The following RAF1 variants were observed in gnomAD, a reference collection of about 807,000 sequenced individuals.
The protein encoded by RAF1 is Raf-1 proto-oncogene, serine/threonine kinase, also known as RAF proto-oncogene serine/threonine-protein kinase.
A neutral mutation model predicts 81.1 loss-of-function variants in RAF1; 27 were observed. The ratio of observed to expected loss-of-function variants is 0.33; its 90% CI spans 0.25 to 0.46. The LOEUF (loss-of-function observed/expected upper bound fraction) is 0.46, where lower values mean the gene tolerates loss of function less well. RAF1 is among the 20% of genes least tolerant of loss of function. The pLI, the probability that RAF1 is intolerant of heterozygous loss-of-function variation, is 1.00. For synonymous variants in RAF1, 298 were observed against 294.0 expected (o/e 1.01, Z -0.14); for missense variants, 598 against 826.0 (o/e 0.72, Z 3.38).
chr3:12,663,691 C>G (rs1052973179), intron 1 of RAF1, 122 bp downstream of exon 1: 19 of 389,258 alleles, frequency 4.9e-5, no homozygotes, highest in Non-Finnish European at 8.2e-5. Context: ...GGCCCAAGCC[C>G]TCTGCCCGGC....
intron 1 of RAF1, among the ~76,000 whole-genome samples, chr3:12,642,294 C>CAAA (rs112792127): frequency 7.4e-6 from 1 of 135,716 alleles, no homozygotes; most frequent in African/African-American, 2.6e-5. Context: ...ACTAAAAATA[C>CAAA]AAAAAAAAAA....
chr3:12,595,941 T>C (rs1374198429), intron 11 of RAF1, among the ~76,000 whole-genome samples: 1 of 151,552 alleles, frequency 6.6e-6, no homozygotes, highest in Non-Finnish European at 1.5e-5. Flanking sequence ...AGTGGTGTTA[T>C]CACGGCTCAC....
rs1412475548 is a variant in RAF1 at position 12,663,891 on chromosome 3, G to T, written c.-105C>A. 2.5e-6 allele frequency: 1 copy of T among 398,040 alleles called. No individual in the cohort carries two copies. Among genetic ancestry groups the T allele is most frequent in the South Asian group, 1.3e-4 (1 of 7,864 alleles). The allele number at this position is 398,040 out of a possible 1,614,324, so 24.7% of individuals were successfully genotyped here. Reference sequence around the variant, plus strand: ...CGCTCCTCCTCCCCGCGGCGGGTGAGGGAGCGGGAGGCGGTCACATTCGGC... The same window carrying T: ...CGCTCCTCCTCCCCGCGGCGGGTGATGGAGCGGGAGGCGGTCACATTCGGC... On this transcript the variant is annotated 5_prime_UTR_variant, in exon 1 of 18. Transcript: ENST00000442415.
At chr3:12,642,852 A>C (rs1669481978) in intron 1 of RAF1, among the ~76,000 whole-genome samples, 1 of 151,384 alleles carries the variant, frequency 6.6e-6, no homozygotes, top group Non-Finnish European at 1.5e-5. Context: ...ACGTCACTGT[A>C]CTCCAGCCTG....
intron 1 of RAF1, among the ~76,000 whole-genome samples, chr3:12,622,422 T>C (rs1176651629): frequency 1.3e-5 from 2 of 152,200 alleles, no homozygotes; most frequent in Non-Finnish European, 1.5e-5. Flanking sequence ...AGGCCTTCTT[T>C]CGTAACATGC....
At chr3:12,621,151 C>T (rs945369048) in intron 1 of RAF1, among the ~76,000 whole-genome samples, 1 of 152,140 alleles carries the variant, frequency 6.6e-6, no homozygotes, top group Non-Finnish European at 1.5e-5. Flanking sequence ...TCATTATCCA[C>T]CTTAATACTT....
chr3:12,640,941 T>C (rs920006479), intron 1 of RAF1, among the ~76,000 whole-genome samples: 1 of 152,068 alleles, frequency 6.6e-6, no homozygotes, highest in Non-Finnish European at 1.5e-5. Flanking sequence ...CTATTCACAA[T>C]AGCAAAGACC....
intron 1 of RAF1, among the ~76,000 whole-genome samples, chr3:12,628,788 G>A (rs896392122): frequency 2.7e-5 from 4 of 146,520 alleles, no homozygotes; most frequent in South Asian, 2.2e-4. Context: ...GTCTCACTCT[G>A]TTGGCCAGGC....
chr3:12,634,165 T>G (rs1163945007), intron 1 of RAF1, among the ~76,000 whole-genome samples: 3 of 151,502 alleles, frequency 2.0e-5, no homozygotes, highest in African/African-American at 7.3e-5. Context: ...TTTTTTTTTT[T>G]TGAGATGAGT....
Position 12,607,678 on chromosome 3 carries a change from C to T in RAF1, c.581+1088G>A, listed in dbSNP as rs550665324. The stretch of plus-strand genomic sequence containing the variant: ...AATAATAATAAAAAAAAAGGCTGGG[C>T]GTGGTGGCTCATGCCTGTAATCCCA... On this transcript the variant is annotated intron_variant, in intron 5 of 17. Transcript: ENST00000442415. Among the ~76,000 whole-genome samples, 241 of 151,606 alleles carry T rather than the reference C, an allele frequency of 1.6e-3. 2 individuals are homozygous for T. The highest frequency in any genetic ancestry group is 5.4e-3 in the African/African-American group (225 of 41,320).
At chr3:12,634,249 C>A (rs1482797267) in intron 1 of RAF1, among the ~76,000 whole-genome samples, 1 of 151,104 alleles carries the variant, frequency 6.6e-6, no homozygotes, top group East Asian at 2.0e-4. Flanking sequence ...CAGGTTCAAG[C>A]GATTCTCCTG....
At chr3:12,642,604 AAAAAC>A (rs2060224276) in intron 1 of RAF1, among the ~76,000 whole-genome samples, 1 of 151,890 alleles carries the variant, frequency 6.6e-6, no homozygotes, top group Non-Finnish European at 1.5e-5. Context: ...CTCAATGAAT[AAAAAC>A]AAGAGACTGT....
chr3:12,658,912 T>C (rs980191164), intron 1 of RAF1, among the ~76,000 whole-genome samples: 1 of 152,208 alleles, frequency 6.6e-6, no homozygotes, highest in Non-Finnish European at 1.5e-5. Context: ...CAACACCCAC[T>C]TGACATTTTC....
At chr3:12,606,439 C>T in intron 5 of RAF1, 140 bp from the exon 6 acceptor site, 1 of 698,652 alleles carries the variant, frequency 1.4e-6, no homozygotes, top group Non-Finnish European at 2.6e-6. Context: ...TTTTACATTA[C>T]CTAGAATAAA....
At chr3:12,618,840 G>T in intron 1 of RAF1, 93 bp from the exon 2 acceptor site, 1 of 1,044,494 alleles carries the variant, frequency 9.6e-7, no homozygotes, top group East Asian at 2.6e-5. Flanking sequence ...ATAGCACTAT[G>T]TGGGTTTTTA....
At chr3:12,597,771 C>T (rs1982997) in intron 11 of RAF1, among the ~76,000 whole-genome samples, 20,315 of 151,354 alleles carry the variant, frequency 0.13, 1,683 homozygotes, top group Middle Eastern at 0.2. Flanking sequence ...AAAAATTAGC[C>T]GGGTGTGGTG....
chr3:12,591,979 A>G (rs1239315185), intron 11 of RAF1, 187 bp from the exon 11 acceptor site: 2 of 631,076 alleles, frequency 3.2e-6, no homozygotes, highest in Non-Finnish European at 5.7e-6. Flanking sequence ...GCTAGAGTGC[A>G]GTGGCACATT....
intron 13 of RAF1, chr3:12,589,272 G>C (rs953873007): frequency 6.6e-6 from 1 of 152,164 alleles, no homozygotes; most frequent in East Asian, 1.9e-4. Context: ...CTCAATACCA[G>C]AAAAACACTG....
intron 1 of RAF1, among the ~76,000 whole-genome samples, chr3:12,663,524 C>A (rs930254567): frequency 6.6e-6 from 1 of 152,256 alleles, no homozygotes; most frequent in African/African-American, 2.4e-5. Context: ...GATTTTCCCA[C>A]TGCCAAATAT....
Sources: gnomAD v4.1 joint callset for allele counts (sites outside exome capture counted in the v4.1 genomes callset) on GRCh38, gnomAD v4.1.1 for gene constraint, MANE v1.5 for transcripts, NCBI Gene and HGNC (gene_info 2026-07-23, HGNC 2026-07-21) for gene names.